RABGEF1: variants seen among roughly 807,000 people sequenced by gnomAD.
RABGEF1 encodes RAB guanine nucleotide exchange factor 1.
A neutral mutation model predicts 57.3 loss-of-function variants in RABGEF1; 26 were observed. That is an observed-to-expected ratio of 0.45 (90% CI 0.33 to 0.63). The LOEUF is 0.63. Ranked by LOEUF, RABGEF1 falls within the 20% of genes least tolerant of loss-of-function variation. RABGEF1 has a pLI of 0.02. For synonymous variants in RABGEF1, 185 were observed against 210.7 expected (o/e 0.88, Z 1.06); for missense variants, 464 against 607.6 (o/e 0.76, Z 2.48).
At chr7:66,681,985 G>A (rs1214982026), upstream of RABGEF1, among the ~76,000 whole-genome samples, 1 of 152,226 alleles carries the variant, frequency 6.6e-6, no homozygotes, top group African/African-American at 2.4e-5. Flanking sequence ...TTGCTCTTGG[G>A]CGTCAGAGCG....
the RABGEF1 span, among the ~76,000 whole-genome samples, chr7:66,656,950 C>A: frequency 6.6e-6 from 1 of 150,594 alleles, no homozygotes; most frequent in East Asian, 1.9e-4. Flanking sequence ...TTTAATCCAA[C>A]AAGAAAATAT....
At chr7:66,703,655 A>G (rs1016900675) in intron 1 of RABGEF1, among the ~76,000 whole-genome samples, 1 of 152,064 alleles carries the variant, frequency 6.6e-6, no homozygotes, top group African/African-American at 2.4e-5. Context: ...ATTGGTCTAT[A>G]TGTCTGTCCT....
At chr7:66,693,633 A>G (rs1460262969) in intron 1 of RABGEF1, among the ~76,000 whole-genome samples, 1 of 152,194 alleles carries the variant, frequency 6.6e-6, no homozygotes, top group East Asian at 1.9e-4. Flanking sequence ...CACACTTACC[A>G]GTGCTCAGAA....
intron 1 of RABGEF1, among the ~76,000 whole-genome samples, chr7:66,711,071 GAT>G (rs1429453381): frequency 1.3e-5 from 2 of 152,142 alleles, no homozygotes; most frequent in Non-Finnish European, 2.9e-5. Flanking sequence ...GAGGTGGAAG[GAT>G]CACTTGAGCC....
chr7:66,668,093 T>C, the RABGEF1 span, among the ~76,000 whole-genome samples: 2 of 152,046 alleles, frequency 1.3e-5, no homozygotes, highest in African/African-American at 4.8e-5. Context: ...CCACCGCGCC[T>C]GGCCCCATTT....
chr7:66,674,158 C>A, the RABGEF1 span, among the ~76,000 whole-genome samples: 1 of 151,582 alleles, frequency 6.6e-6, no homozygotes. Flanking sequence ...CTAGTACTTA[C>A]TCGGAAGAAA....
chr7:66,807,470 T>A (rs74655805), intron 8 of RABGEF1, among the ~76,000 whole-genome samples: 1 of 152,220 alleles, frequency 6.6e-6, no homozygotes, highest in Non-Finnish European at 1.5e-5. Flanking sequence ...AATTGTGTCA[T>A]TCCATGGGAC....
chr7:66,797,210 A>G (rs1786161962), intron 5 of RABGEF1, among the ~76,000 whole-genome samples, 164 bp from the exon 6 acceptor site: 1 of 150,476 alleles, frequency 6.6e-6, no homozygotes, highest in African/African-American at 2.4e-5. Context: ...AGGCTGAGGT[A>G]GGAGAATGGC....
the RABGEF1 span, among the ~76,000 whole-genome samples, chr7:66,671,594 T>A: frequency 6.6e-6 from 1 of 152,144 alleles, no homozygotes; most frequent in Non-Finnish European, 1.5e-5. Flanking sequence ...CCAAGGAAAG[T>A]CTTTTTTAAA....
intron 1 of RABGEF1, among the ~76,000 whole-genome samples, chr7:66,749,646 C>T (rs1800965633): frequency 6.6e-6 from 1 of 151,982 alleles, no homozygotes; most frequent in South Asian, 2.1e-4. Context: ...TACACTCTAG[C>T]CTGGGCAACA....
intron 3 of RABGEF1, among the ~76,000 whole-genome samples, chr7:66,777,902 G>A (rs2129129128): frequency 6.6e-6 from 1 of 152,194 alleles, no homozygotes; most frequent in South Asian, 2.1e-4. Context: ...CCATCTTTTT[G>A]AATGATAGAT....
chr7:66,716,804 G>A (rs762067576), intron 2 of RABGEF1, among the ~76,000 whole-genome samples: 4 of 152,088 alleles, frequency 2.6e-5, no homozygotes, highest in Non-Finnish European at 5.9e-5. Context: ...CAGGAGACAA[G>A]GTCTTGCTCT....
At chr7:66,767,349 G>A (rs1375259373) in intron 1 of RABGEF1, among the ~76,000 whole-genome samples, 2 of 151,962 alleles carry the variant, frequency 1.3e-5, no homozygotes, top group Non-Finnish European at 2.9e-5. Flanking sequence ...GATCTGGGAG[G>A]AGTATAATGG....
intron 1 of RABGEF1, among the ~76,000 whole-genome samples, chr7:66,743,570 C>T (rs1739878539): frequency 1.3e-5 from 2 of 151,628 alleles, no homozygotes; most frequent in South Asian, 2.1e-4. Flanking sequence ...GGCGCGATCT[C>T]GGCTCACTGC....
chr7:66,683,120 T>C (rs1010220363), intron 1 of RABGEF1, among the ~76,000 whole-genome samples: 47 of 152,176 alleles, frequency 3.1e-4, no homozygotes, highest in Admixed American at 4.6e-4. Context: ...CTTTCCCCTC[T>C]CTAAATCTAA....
At chr7:66,789,145 T>C (rs1811952023) in intron 4 of RABGEF1, among the ~76,000 whole-genome samples, 1 of 152,174 alleles carries the variant, frequency 6.6e-6, no homozygotes, top group South Asian at 2.1e-4. Context: ...TGTTGTAAAC[T>C]ATATATTTAA....
At chr7:66,746,710 A>G (rs1395646980) in intron 1 of RABGEF1, among the ~76,000 whole-genome samples, 1 of 125,366 alleles carries the variant, frequency 8.0e-6, no homozygotes, top group Non-Finnish European at 1.6e-5. Context: ...TGCAACTTCC[A>G]CCTCCCCGGT....
At chr7:66,659,650 C>A in the RABGEF1 span, among the ~76,000 whole-genome samples, 4 of 151,412 alleles carry the variant, frequency 2.6e-5, no homozygotes, top group African/African-American at 4.9e-5. Context: ...TGTGGTGTTA[C>A]CCTCCTGTGG....
intron 3 of RABGEF1, among the ~76,000 whole-genome samples, chr7:66,781,022 G>A (rs1809757481): frequency 6.6e-6 from 1 of 151,858 alleles, no homozygotes; most frequent in Non-Finnish European, 1.5e-5. Flanking sequence ...ACTGTTTATA[G>A]CACGTATATT....
Sources: allele counts gnomAD v4.1 joint callset (sites outside exome capture counted in the v4.1 genomes callset), GRCh38; gene constraint gnomAD v4.1.1; transcripts MANE v1.5; gene names NCBI Gene and HGNC (gene_info 2026-07-23, HGNC 2026-07-21).